The following NRXN3 variants were observed in gnomAD, a reference collection of about 807,000 sequenced individuals.
NRXN3 encodes the protein neurexin 3.
In NRXN3, 32 loss-of-function variants were observed where a neutral mutation model predicts 137.6. The ratio of observed to expected loss-of-function variants is 0.23; its 90% CI spans 0.18 to 0.31. NRXN3 has a LOEUF of 0.31. Ranked by LOEUF, NRXN3 falls within the 10% of genes least tolerant of loss-of-function variation. The pLI is 1.00. For synonymous variants in NRXN3, 798 were observed against 784.5 expected (o/e 1.02, Z -0.29); for missense variants, 1,574 against 2,062.5 (o/e 0.76, Z 4.59).
chr14:78,928,348 G>A (rs994552657), intron 10 of NRXN3, among the ~76,000 whole-genome samples: 1 of 151,944 alleles, frequency 6.6e-6, no homozygotes, highest in Non-Finnish European at 1.5e-5. Flanking sequence ...TGTGCACAAT[G>A]TGCAGGTTTG....
intron 2 of NRXN3, among the ~76,000 whole-genome samples, chr14:78,271,448 T>A (rs1227656036): frequency 6.7e-6 from 1 of 149,324 alleles, no homozygotes; most frequent in Admixed American, 6.7e-5. Context: ...CTTACTCCCA[T>A]GCCTGTTCTC....
At chr14:79,416,123 C>T (rs1355772165) in intron 15 of NRXN3, among the ~76,000 whole-genome samples, 2 of 151,992 alleles carry the variant, frequency 1.3e-5, no homozygotes, top group African/African-American at 4.8e-5. Flanking sequence ...TTTAATGATT[C>T]CAAAGGCAAT....
intron 15 of NRXN3, among the ~76,000 whole-genome samples, chr14:79,452,412 G>A (rs2096189654): frequency 6.6e-6 from 1 of 152,160 alleles, no homozygotes; most frequent in Admixed American, 6.5e-5. Context: ...TTTGCAGCAT[G>A]TCATATCTGT....
At chr14:78,283,875 A>G (rs886562849) in intron 3 of NRXN3, among the ~76,000 whole-genome samples, 1 of 152,184 alleles carries the variant, frequency 6.6e-6, no homozygotes, top group Non-Finnish European at 1.5e-5. Context: ...CACAGCCTCT[A>G]AAGTGTTTAC....
intron 8 of NRXN3, among the ~76,000 whole-genome samples, chr14:78,743,310 G>A (rs1315264439): frequency 6.6e-6 from 1 of 152,182 alleles, no homozygotes; most frequent in Non-Finnish European, 1.5e-5. Flanking sequence ...ATTATAGAAT[G>A]CTTCATGAAT....
chr14:79,013,476 T>C (rs938581242), intron 15 of NRXN3, among the ~76,000 whole-genome samples: 2 of 152,154 alleles, frequency 1.3e-5, no homozygotes, highest in Admixed American at 1.3e-4. Context: ...TTTCTGTGGG[T>C]AGACAATGCC....
At chr14:78,657,910 C>A (rs1010071365) in intron 6 of NRXN3, among the ~76,000 whole-genome samples, 15 of 152,136 alleles carry the variant, frequency 9.9e-5, no homozygotes, top group Non-Finnish European at 1.9e-4. Flanking sequence ...ATCTCTCATG[C>A]TATCACTTAA....
intron 17 of NRXN3, among the ~76,000 whole-genome samples, chr14:79,691,950 C>T (rs2098718348): frequency 1.3e-5 from 2 of 151,980 alleles, no homozygotes; most frequent in Non-Finnish European, 2.9e-5. Context: ...ATTCCCATTC[C>T]ATGCCACTTT....
At chr14:78,248,025 A>G (rs2067950417) in intron 2 of NRXN3, among the ~76,000 whole-genome samples, 2 of 152,188 alleles carry the variant, frequency 1.3e-5, no homozygotes, top group Non-Finnish European at 2.9e-5. Flanking sequence ...CCTATGTCAC[A>G]TATCACTCAT....
At chr14:78,316,170 A>G (rs2078687593) in intron 4 of NRXN3, among the ~76,000 whole-genome samples, 1 of 152,092 alleles carries the variant, frequency 6.6e-6, no homozygotes, top group Non-Finnish European at 1.5e-5. Flanking sequence ...AAATGCCAGC[A>G]ATTATCTCAC....
At chr14:78,811,394 TG>T (rs2098912226) in intron 10 of NRXN3, among the ~76,000 whole-genome samples, 1 of 151,778 alleles carries the variant, frequency 6.6e-6, no homozygotes, top group Admixed American at 6.6e-5. Context: ...AGAGCTTGGG[TG>T]GTTGTGCAGT....
At chr14:79,688,736 TC>T (rs1363993336) in intron 17 of NRXN3, among the ~76,000 whole-genome samples, 2 of 152,188 alleles carry the variant, frequency 1.3e-5, no homozygotes, top group Admixed American at 1.3e-4. Context: ...ATTCTGTTCT[TC>T]ACAATATTAT....
chr14:78,724,709 A>T (rs1567154633), intron 8 of NRXN3, among the ~76,000 whole-genome samples: 2 of 152,224 alleles, frequency 1.3e-5, no homozygotes. Flanking sequence ...CATTTGGTAA[A>T]TCTCCAGTAA....
rs571156568 is a variant in NRXN3, at chr14:78,645,476, T to C, written c.1059+55T>C. ...AGGCTCATCTTAGGTGGCTGGGTAG[T>C]AAATTTGTGAAGCAGGTGATGGGTG... On this transcript the variant is annotated intron_variant, in intron 5 of 20. Coordinates refer to ENST00000335750, the MANE Select transcript of NRXN3 (RefSeq NM_001330195.2). 28 of 1,462,400 alleles carry C rather than the reference T, an allele frequency of 1.9e-5. No homozygotes were observed. The Admixed American group carries it at 4.1e-4, about 22-fold the overall frequency. 90.6% of individuals were successfully genotyped at this position (1,462,400 alleles called of 1,614,324 possible).
At chr14:78,223,450 C>G (rs1023461191) in intron 1 of NRXN3, among the ~76,000 whole-genome samples, 7 of 152,174 alleles carry the variant, frequency 4.6e-5, no homozygotes, top group African/African-American at 7.2e-5. Context: ...GGTCATTCCC[C>G]TCCCACCCTC....
chr14:79,133,960 A>G (rs574845261), intron 15 of NRXN3, among the ~76,000 whole-genome samples: 3 of 152,112 alleles, frequency 2.0e-5, no homozygotes, highest in South Asian at 4.2e-4. Flanking sequence ...AAGGAAAGAA[A>G]AAAGAAACTG....
chr14:79,481,545 T>C (rs61995166), intron 16 of NRXN3, among the ~76,000 whole-genome samples: 16,925 of 152,216 alleles, frequency 0.11, 1,060 homozygotes, highest in Middle Eastern at 0.15. Context: ...AATGCAGTGG[T>C]ATGTGTGTAG....
chr14:78,476,991 C>A (rs1447741676), intron 4 of NRXN3, among the ~76,000 whole-genome samples: 1 of 152,124 alleles, frequency 6.6e-6, no homozygotes, highest in Non-Finnish European at 1.5e-5. Context: ...AGTGGAAATG[C>A]CCTTAGTTGT....
chr14:79,658,238 A>G (rs981925867), intron 16 of NRXN3, among the ~76,000 whole-genome samples: 7 of 152,184 alleles, frequency 4.6e-5, no homozygotes, highest in African/African-American at 1.7e-4. Flanking sequence ...AATTGTAAGA[A>G]TTTGAATATA....
Sources: gnomAD v4.1 joint callset for allele counts (sites outside exome capture counted in the v4.1 genomes callset) on GRCh38, gnomAD v4.1.1 for gene constraint, MANE v1.5 for transcripts, NCBI Gene and HGNC (gene_info 2026-07-23, HGNC 2026-07-21) for gene names.